The following ANKS1B variants were observed in gnomAD, a reference collection of about 807,000 sequenced individuals.
ANKS1B encodes ankyrin repeat and sterile alpha motif domain-containing protein 1B.
ANKS1B carries 36 observed loss-of-function variants against 148.3 expected under a neutral mutation model. That is an observed-to-expected ratio of 0.24 (90% confidence interval 0.19 to 0.32). ANKS1B has a LOEUF of 0.32. Ranked by LOEUF, ANKS1B falls within the 10% of genes least tolerant of loss-of-function variation. The probability of loss-of-function intolerance (pLI) is 1.00; values close to 1 mark genes in which losing one functional copy is unlikely to be tolerated. For synonymous variants in ANKS1B, 542 were observed against 560.8 expected (o/e 0.97, Z 0.47); for missense variants, 1,157 against 1,542.6 (o/e 0.75, Z 4.19).
chr12:99,667,320 G>A (rs1421040571), intron 8 of ANKS1B, among the ~76,000 whole-genome samples: 1 of 142,924 alleles, frequency 7.0e-6, no homozygotes, highest in East Asian at 2.1e-4. Flanking sequence ...CCACACTCCA[G>A]TCTGGGTGAC....
At chr12:98,789,768 A>G (rs1198573495) in intron 22 of ANKS1B, among the ~76,000 whole-genome samples, 1 of 152,250 alleles carries the variant, frequency 6.6e-6, no homozygotes, top group African/African-American at 2.4e-5. Flanking sequence ...TGGTTCAACT[A>G]TGGATTGGAA....
intron 15 of ANKS1B, among the ~76,000 whole-genome samples, chr12:99,135,411 C>T (rs531771832): frequency 2.0e-5 from 3 of 152,186 alleles, no homozygotes; most frequent in South Asian, 2.1e-4. Context: ...TTTAAAGTGC[C>T]TACCAAGTGT....
chr12:99,111,749 G>A (rs1165103611), intron 15 of ANKS1B, among the ~76,000 whole-genome samples: 3 of 151,764 alleles, frequency 2.0e-5, no homozygotes, highest in African/African-American at 7.3e-5. Flanking sequence ...GAGTTTTCTT[G>A]TTCTTTCCAA....
intron 12 of ANKS1B, among the ~76,000 whole-genome samples, chr12:99,249,129 G>A (rs770584442): frequency 5.3e-5 from 8 of 152,124 alleles, no homozygotes; most frequent in Admixed American, 1.3e-4. Flanking sequence ...TGGTAGGAAG[G>A]AGGAATTCTG....
chr12:99,323,308 C>A (rs2085669740), intron 12 of ANKS1B, among the ~76,000 whole-genome samples: 1 of 152,190 alleles, frequency 6.6e-6, no homozygotes, highest in Non-Finnish European at 1.5e-5. Flanking sequence ...GTGAAAAATA[C>A]ATAATACCTA....
intron 9 of ANKS1B, among the ~76,000 whole-genome samples, chr12:99,554,519 C>T (rs1354220782): frequency 6.6e-6 from 1 of 152,076 alleles, no homozygotes; most frequent in Non-Finnish European, 1.5e-5. Context: ...CAAAATCTCC[C>T]AAAGCAGTAT....
chr12:99,579,328 CA>C (rs1438513850), intron 9 of ANKS1B, among the ~76,000 whole-genome samples: 1 of 152,038 alleles, frequency 6.6e-6, no homozygotes, highest in African/African-American at 2.4e-5. Flanking sequence ...GCAATGGAAA[CA>C]AAAACAATCA....
intron 15 of ANKS1B, among the ~76,000 whole-genome samples, chr12:99,126,274 A>C (rs2064317254): frequency 6.6e-6 from 1 of 152,066 alleles, no homozygotes; most frequent in African/African-American, 2.4e-5. Context: ...AGTGCTTTTC[A>C]ATTTTTCCCA....
chr12:99,206,837 C>T (rs1045217786), intron 14 of ANKS1B, among the ~76,000 whole-genome samples: 2 of 152,120 alleles, frequency 1.3e-5, no homozygotes, highest in African/African-American at 2.4e-5. Context: ...ATTTAGCTGG[C>T]TATTTGGAAA....
At chr12:99,912,285 T>C (rs1427399907) in intron 1 of ANKS1B, among the ~76,000 whole-genome samples, 1 of 152,218 alleles carries the variant, frequency 6.6e-6, no homozygotes, top group Non-Finnish European at 1.5e-5. Flanking sequence ...GTGTTTACTG[T>C]TTACAGTGAG....
At chr12:98,816,679 G>GT (rs1476095054) in intron 19 of ANKS1B, among the ~76,000 whole-genome samples, 1 of 152,184 alleles carries the variant, frequency 6.6e-6, no homozygotes, top group Non-Finnish European at 1.5e-5. Context: ...AGTAGTTACT[G>GT]GTCATCTACT....
intron 9 of ANKS1B, among the ~76,000 whole-genome samples, chr12:99,632,767 A>ATATATATATTTTTTTTTT (rs1441486862): frequency 2.8e-5 from 2 of 71,316 alleles, no homozygotes; most frequent in South Asian, 9.0e-4. Flanking sequence ...ATATATATAT[A>ATATATATATTTTTTTTTT]TTTTAATTAT....
At chr12:99,529,914 A>G (rs571398003) in intron 9 of ANKS1B, among the ~76,000 whole-genome samples, 4 of 152,252 alleles carry the variant, frequency 2.6e-5, no homozygotes, top group African/African-American at 9.6e-5. Context: ...AAGTGATAAT[A>G]TTAGGATTAA....
At chr12:99,361,895 A>T (rs1388073401) in intron 12 of ANKS1B, among the ~76,000 whole-genome samples, 1 of 152,100 alleles carries the variant, frequency 6.6e-6, no homozygotes, top group African/African-American at 2.4e-5. Context: ...TAACATTCAC[A>T]TAAGTAATTA....
chr12:98,886,804 A>G lies in ANKS1B; in HGVS notation c.2779-54668T>C, dbSNP rs551332009. Among the ~76,000 whole-genome samples the G allele has an allele frequency of 2.0e-5, 3 of 152,386 alleles. No individual in the cohort carries two copies. The South Asian group carries it at 6.2e-4, about 32-fold the overall frequency. ...AGTAATAGCTGCAAAATTATAATGGAAAGAATACATGACATAAGAATACAA... is the reference window on the plus strand; with the variant it reads ...AGTAATAGCTGCAAAATTATAATGGGAAGAATACATGACATAAGAATACAA... On this transcript the variant is annotated intron_variant, in intron 17 of 26. Coordinates refer to ENST00000683438, the MANE Select transcript of ANKS1B (RefSeq NM_001352186.2).
rs576571213 is a variant in ANKS1B at position 99,050,858 on chromosome 12, A to ATTTTTTTTT, written c.2778+2290_2778+2298dup. ...AGGTGCCCGCCACCACGCCCGGCTA[A>ATTTTTTTTT]TTTTTTTTTTTTTGTATTTTTCATA... On this transcript the variant is annotated intron_variant, in intron 17 of 26. Transcript: ENST00000683438. Among the ~76,000 whole-genome samples the ATTTTTTTTT allele has an allele frequency of 3.3e-3, 473 of 141,330 alleles. 17 individuals carry two copies. In the East Asian group the frequency reaches 0.075, roughly 22 times the overall value. 92.7% of individuals were successfully genotyped at this position (141,330 alleles called of 152,430 possible).
At chr12:99,073,435 T>G (rs963547192) in intron 16 of ANKS1B, among the ~76,000 whole-genome samples, 1 of 152,194 alleles carries the variant, frequency 6.6e-6, no homozygotes, top group Non-Finnish European at 1.5e-5. Context: ...CTACCCAGAT[T>G]AAGAAGGAAA....
At chr12:99,388,106 G>C (rs1356202880) in intron 12 of ANKS1B, among the ~76,000 whole-genome samples, 3 of 152,056 alleles carry the variant, frequency 2.0e-5, no homozygotes, top group Non-Finnish European at 2.9e-5. Context: ...TTAAACAGCG[G>C]AATGGCATGA....
At chr12:99,672,849 A>G (rs2098544786) in intron 8 of ANKS1B, among the ~76,000 whole-genome samples, 1 of 152,196 alleles carries the variant, frequency 6.6e-6, no homozygotes, top group South Asian at 2.1e-4. Context: ...ACTTCAACAC[A>G]GAAATATAAG....
Sources: gnomAD v4.1 joint callset for allele counts (sites outside exome capture counted in the v4.1 genomes callset) on GRCh38, gnomAD v4.1.1 for gene constraint, MANE v1.5 for transcripts, NCBI Gene and HGNC (gene_info 2026-07-23, HGNC 2026-07-21) for gene names.